Variants in HCN1 observed in about 807,000 individuals in gnomAD.
The protein encoded by HCN1 is hyperpolarization activated cyclic nucleotide gated potassium channel 1.
Under a neutral mutation model 78.9 loss-of-function variants are expected in HCN1, and 13 were observed. The ratio of observed to expected loss-of-function variants is 0.16; its 90% CI spans 0.11 to 0.26. The LOEUF is 0.26. HCN1 is among the 10% of genes least tolerant of loss of function. The pLI, the probability that HCN1 is intolerant of heterozygous loss-of-function variation, is 1.00. For missense variants in HCN1, 810 were observed against 1,154.3 expected, an observed-to-expected ratio of 0.70 and a Z score of 4.32; for synonymous variants, 552 against 455.5, an observed-to-expected ratio of 1.21 and a Z score of -2.70.
chr5:45,546,327 C>T (rs1010409156), intron 2 of HCN1, among the ~76,000 whole-genome samples: 6 of 151,274 alleles, frequency 4.0e-5, no homozygotes, highest in Admixed American at 6.6e-5. Flanking sequence ...ACTTTTTTTT[C>T]ATTTCTACTT....
intron 2 of HCN1, among the ~76,000 whole-genome samples, chr5:45,585,883 G>C (rs962248444): frequency 6.6e-5 from 10 of 152,142 alleles, no homozygotes; most frequent in Admixed American, 1.3e-4. Context: ...CGTTCCTCTG[G>C]AAGTTTTGTC....
chr5:45,430,541 G>A (rs981342062), intron 3 of HCN1, among the ~76,000 whole-genome samples: 2 of 151,968 alleles, frequency 1.3e-5, no homozygotes, highest in African/African-American at 4.8e-5. Context: ...AGAATATGTG[G>A]TATTATTCTT....
intron 2 of HCN1, among the ~76,000 whole-genome samples, chr5:45,582,979 C>G (rs1744114574): frequency 2.6e-5 from 2 of 76,940 alleles, no homozygotes; most frequent in Non-Finnish European, 6.1e-5. Flanking sequence ...GTCTAAAATT[C>G]TCTTTTTTTT....
chr5:45,377,674 A>C (rs1485602886), intron 4 of HCN1, among the ~76,000 whole-genome samples: 2 of 152,028 alleles, frequency 1.3e-5, no homozygotes, highest in African/African-American at 4.8e-5. Context: ...AAGACTCAGC[A>C]GTGTTTTAGC....
intron 2 of HCN1, among the ~76,000 whole-genome samples, chr5:45,520,144 C>T (rs1300574001): frequency 6.6e-6 from 1 of 151,846 alleles, no homozygotes; most frequent in Non-Finnish European, 1.5e-5. Context: ...TGTCACAGTA[C>T]CTCATCTATA....
chr5:45,275,505 A>T (rs1357388339), intron 6 of HCN1, among the ~76,000 whole-genome samples: 1 of 152,144 alleles, frequency 6.6e-6, no homozygotes, highest in Non-Finnish European at 1.5e-5. Context: ...ATTAAGGTTT[A>T]CACTTTCTAC....
At chr5:45,694,012 G>A (rs1199520333) in intron 1 of HCN1, among the ~76,000 whole-genome samples, 2 of 152,034 alleles carry the variant, frequency 1.3e-5, no homozygotes, top group Non-Finnish European at 2.9e-5. Context: ...TGGGGACTGA[G>A]GAAAAGATAA....
intron 1 of HCN1, among the ~76,000 whole-genome samples, chr5:45,669,538 T>C (rs929360167): frequency 2.0e-5 from 3 of 151,762 alleles, no homozygotes; most frequent in Non-Finnish European, 4.4e-5. Context: ...ATTTGAGAAC[T>C]GAACCTATAG....
chr5:45,693,150 G>GA (rs1400786035), intron 1 of HCN1, among the ~76,000 whole-genome samples: 1 of 151,992 alleles, frequency 6.6e-6, no homozygotes, highest in African/African-American at 2.4e-5. Flanking sequence ...TTTCCCTGTA[G>GA]AAAAAAACTA....
intron 2 of HCN1, among the ~76,000 whole-genome samples, chr5:45,586,191 C>A (rs1744216718): frequency 6.6e-6 from 1 of 152,166 alleles, no homozygotes; most frequent in African/African-American, 2.4e-5. Context: ...AGCTTCCTGG[C>A]CACTTTGTTT....
In HCN1 at chr5:45,696,131, A is replaced by T; in HGVS notation, c.-38T>A. On this transcript the variant is annotated 5_prime_UTR_variant, in exon 1 of 8. Transcript: ENST00000303230. ...CGGCCGGCGACGGCGCGGGCTCCAG[A>T]CTCGCCGGCCGCCCGGCGCCGGAGA... The T allele has an allele frequency of 1.6e-6, 2 of 1,265,696 alleles. No homozygotes were observed. Among genetic ancestry groups the T allele is most frequent in the Non-Finnish European group, 2.0e-6 (2 of 991,894 alleles). 78.4% of individuals were successfully genotyped at this position (1,265,696 alleles called of 1,614,324 possible).
At chr5:45,446,512 A>G (rs1177859812) in intron 3 of HCN1, among the ~76,000 whole-genome samples, 3 of 152,246 alleles carry the variant, frequency 2.0e-5, no homozygotes, top group Admixed American at 1.3e-4. Flanking sequence ...GCAGGCCAAC[A>G]TTCAGATTCA....
intron 3 of HCN1, among the ~76,000 whole-genome samples, chr5:45,411,194 G>GA (rs1740014721): frequency 6.6e-6 from 1 of 152,028 alleles, no homozygotes; most frequent in South Asian, 2.1e-4. Flanking sequence ...GAGACAGAGA[G>GA]AGACTGAGAG....
chr5:45,538,014 CCTT>C (rs916700989), intron 2 of HCN1, among the ~76,000 whole-genome samples: 33 of 131,186 alleles, frequency 2.5e-4, no homozygotes, highest in African/African-American at 8.7e-4. Flanking sequence ...ATTATACTCT[CCTT>C]CTGTGCAATA....
intron 2 of HCN1, among the ~76,000 whole-genome samples, chr5:45,497,794 C>G (rs1036178128): frequency 3.3e-5 from 5 of 151,832 alleles, no homozygotes; most frequent in African/African-American, 1.2e-4. Flanking sequence ...GTGACAAAAT[C>G]TCTCAGCATT....
intron 3 of HCN1, among the ~76,000 whole-genome samples, chr5:45,452,332 GT>G (rs1232001069): frequency 1.3e-3 from 172 of 128,586 alleles, no homozygotes; most frequent in African/African-American, 3.9e-3. Context: ...TTTTTTTTTT[GT>G]TTTTTTTTTT....
At chr5:45,274,407 A>G (rs1393227944) in intron 6 of HCN1, among the ~76,000 whole-genome samples, 1 of 152,202 alleles carries the variant, frequency 6.6e-6, no homozygotes, top group Non-Finnish European at 1.5e-5. Flanking sequence ...TTGACCTAGT[A>G]GCAACTCTTC....
chr5:45,312,118 G>T (rs1451159725), intron 5 of HCN1, among the ~76,000 whole-genome samples: 8 of 152,164 alleles, frequency 5.3e-5, no homozygotes, highest in Non-Finnish European at 8.8e-5. Flanking sequence ...TCAACCAAAT[G>T]GAATGGTTGT....
At chr5:45,511,099 G>A (rs576314404) in intron 2 of HCN1, among the ~76,000 whole-genome samples, 2 of 152,114 alleles carry the variant, frequency 1.3e-5, no homozygotes, top group South Asian at 2.1e-4. Flanking sequence ...AGTATACCCA[G>A]TACCTAGATG....
Sources: gnomAD v4.1 joint callset for allele counts (sites outside exome capture counted in the v4.1 genomes callset) on GRCh38, gnomAD v4.1.1 for gene constraint, MANE v1.5 for transcripts, NCBI Gene and HGNC (gene_info 2026-07-23, HGNC 2026-07-21) for gene names.